Variants in TCF7L2 observed in about 807,000 individuals in gnomAD.
The protein encoded by TCF7L2 is transcription factor 7 like 2.
TCF7L2 carries 23 observed loss-of-function variants against 77.9 expected under a neutral mutation model. That is an observed-to-expected ratio of 0.30 (90% CI 0.21 to 0.42). The LOEUF is 0.42. Ranked by LOEUF, TCF7L2 falls within the 10% of genes least tolerant of loss-of-function variation. The probability of loss-of-function intolerance (pLI) is 1.00; values close to 1 mark genes in which losing one functional copy is unlikely to be tolerated. For missense variants in TCF7L2, 654 were observed against 793.1 expected (o/e 0.82, Z 2.11); for synonymous variants, 413 against 340.2 (o/e 1.21, Z -2.36).
chr10:113,021,769 C>G (rs2048301367), intron 4 of TCF7L2, among the ~76,000 whole-genome samples: 1 of 152,218 alleles, frequency 6.6e-6, no homozygotes, highest in African/African-American at 2.4e-5. Flanking sequence ...TTTCGCATCT[C>G]CCTTGGCTTG....
intron 4 of TCF7L2, among the ~76,000 whole-genome samples, chr10:112,983,145 TG>T: frequency 6.6e-6 from 1 of 151,908 alleles, no homozygotes; most frequent in African/African-American, 2.4e-5. Flanking sequence ...GTTTTTTTTT[TG>T]TCAGATTTCT....
rs146565513 is a variant in TCF7L2, at chr10:113,017,364, G to A, written c.451-22661G>A. Among the ~76,000 whole-genome samples, 662 of 126,272 alleles carry A rather than the reference G, an allele frequency of 5.2e-3. 4 individuals are homozygous for A. The highest frequency in any genetic ancestry group is 0.023 in the African/African-American group (622 of 26,760). 82.8% of individuals were successfully genotyped at this position (126,272 alleles called of 152,430 possible). ...GCTGGCGTTATCCCATTTTACCCAC[G>A]AGGAAACAAATGACCAGTGGTGGAG... On this transcript the variant is annotated intron_variant, in intron 4 of 13. Transcript: ENST00000627217.
intron 4 of TCF7L2, among the ~76,000 whole-genome samples, chr10:113,029,221 G>C (rs1243381221): frequency 2.6e-5 from 4 of 152,082 alleles, no homozygotes; most frequent in Admixed American, 6.5e-5. Context: ...TGACTCAACT[G>C]CTCTTCTGTT....
In TCF7L2 at chr10:113,073,150, G is replaced by GAGAGAGAGAGACAGAGAGAGAGAGAGAA. The variant is rs1564855702; in HGVS notation, c.552+33025_552+33026insGAGAGAGAGACAGAGAGAGAGAGAGAAA. Among the ~76,000 whole-genome samples the GAGAGAGAGAGACAGAGAGAGAGAGAGAA allele has an allele frequency of 6.5e-4, 97 of 149,100 alleles. 2 individuals carry two copies. The highest frequency in any genetic ancestry group is 2.4e-3 in the African/African-American group (95 of 40,196). ...TGTGTGAGAGAGAGAGAGAGAGAGA[G>GAGAGAGAGAGACAGAGAGAGAGAGAGAA]ACAGAGAGAGAGATAGAGAGAAACA... is the stretch of plus-strand genomic sequence containing the variant. On this transcript the variant is annotated intron_variant, in intron 5 of 13. Coordinates refer to ENST00000627217, the MANE Select transcript of TCF7L2 (RefSeq NM_001146274.2).
chr10:113,075,460 CA>C (rs2058586779), intron 5 of TCF7L2, among the ~76,000 whole-genome samples: 2 of 19,892 alleles, frequency 1.0e-4, no homozygotes. Flanking sequence ...ACTCTGTGTC[CA>C]AAAAAAAAAG....
chr10:112,951,743 C>G (rs557285830), intron 3 of TCF7L2, 136 bp downstream of exon 3: 1 of 325,870 alleles, frequency 3.1e-6, no homozygotes, highest in Non-Finnish European at 4.5e-6. Context: ...TCCCCTCCCC[C>G]GCTCGTGGCC....
intron 5 of TCF7L2, among the ~76,000 whole-genome samples, chr10:113,131,298 A>C (rs1240064098): frequency 2.0e-5 from 3 of 152,260 alleles, no homozygotes; most frequent in African/African-American, 7.2e-5. Flanking sequence ...TTAAAACACA[A>C]GATCATAGAT....
At chr10:113,017,138 CA>C (rs1315110256) in intron 4 of TCF7L2, among the ~76,000 whole-genome samples, 1 of 152,140 alleles carries the variant, frequency 6.6e-6, no homozygotes, top group Non-Finnish European at 1.5e-5. Flanking sequence ...GTCATGAAGC[CA>C]AAAATTGATA....
At chr10:113,020,451 A>G (rs2048100656) in intron 4 of TCF7L2, among the ~76,000 whole-genome samples, 1 of 151,916 alleles carries the variant, frequency 6.6e-6, no homozygotes, top group South Asian at 2.1e-4. Flanking sequence ...GCTCCTGTTC[A>G]CACCCTCCTC....
At chr10:113,158,618 A>G (rs772602074) in intron 12 of TCF7L2, 49 bp from the exon 13 acceptor site, 3 of 1,607,564 alleles carry the variant, frequency 1.9e-6, no homozygotes, top group Admixed American at 3.3e-5. Flanking sequence ...TTACAAACAA[A>G]CAAAACAAAA....
At chr10:113,160,444 AT>A (rs952210407) in intron 12 of TCF7L2, among the ~76,000 whole-genome samples, 2 of 149,680 alleles carry the variant, frequency 1.3e-5, no homozygotes, top group African/African-American at 4.9e-5. Context: ...TTATTTTATT[AT>A]TTTTTTTCTT....
At chr10:113,123,527 A>G (rs2065111798) in intron 5 of TCF7L2, among the ~76,000 whole-genome samples, 2 of 152,260 alleles carry the variant, frequency 1.3e-5, no homozygotes, top group African/African-American at 2.4e-5. Context: ...AAATAAAGGA[A>G]CATATCTGCA....
At chr10:112,982,257 CTT>C (rs1333865688) in intron 4 of TCF7L2, among the ~76,000 whole-genome samples, 1 of 151,658 alleles carries the variant, frequency 6.6e-6, no homozygotes, top group Non-Finnish European at 1.5e-5. Context: ...AAGGCTGAAA[CTT>C]TTTAATTGGG....
intron 5 of TCF7L2, among the ~76,000 whole-genome samples, chr10:113,043,398 G>A (rs190553977): frequency 6.6e-6 from 1 of 152,192 alleles, no homozygotes; most frequent in Non-Finnish European, 1.5e-5. Context: ...TTTACATTAA[G>A]AATAGACTCC....
chr10:113,156,115 C>CTT (rs35516476), intron 11 of TCF7L2, among the ~76,000 whole-genome samples: 77 of 120,724 alleles, frequency 6.4e-4, no homozygotes, highest in African/African-American at 1.3e-3. Flanking sequence ...TTCTTTCTTT[C>CTT]TTTTTTTTTT....
rs1402273236 is a variant in TCF7L2 at position 113,144,794 on chromosome 10, A to T, written c.788+769A>T. ...TGACTAACTTTTGCAACTTAAAAAA[A>T]CTGTGTTTTAAATTCAGAGTAGAAA... On this transcript the variant is annotated intron_variant, in intron 7 of 13. Transcript: ENST00000627217. 3.3e-5 allele frequency among the ~76,000 whole-genome samples: 5 copies of T among 152,330 alleles called. No homozygotes were observed. In the East Asian group the frequency reaches 9.6e-4, roughly 29 times the overall value.
intron 4 of TCF7L2, among the ~76,000 whole-genome samples, chr10:113,014,801 C>A (rs1472497202): frequency 2.6e-5 from 4 of 152,060 alleles, no homozygotes; most frequent in South Asian, 2.1e-4. Context: ...AACAAACAAA[C>A]AAACAAACAA....
At chr10:113,106,445 T>G (rs2062331339) in intron 5 of TCF7L2, among the ~76,000 whole-genome samples, 1 of 152,166 alleles carries the variant, frequency 6.6e-6, no homozygotes, top group South Asian at 2.1e-4. Flanking sequence ...TGTGAACCAT[T>G]CCTGTTAAGT....
At chr10:113,153,160 T>C (rs992617594) in intron 11 of TCF7L2, among the ~76,000 whole-genome samples, 1 of 152,232 alleles carries the variant, frequency 6.6e-6, no homozygotes. Context: ...GGGATGATTG[T>C]TTTTACTAAT....
Sources: allele counts gnomAD v4.1 joint callset (sites outside exome capture counted in the v4.1 genomes callset), GRCh38; gene constraint gnomAD v4.1.1; transcripts MANE v1.5; gene names NCBI Gene and HGNC (gene_info 2026-07-23, HGNC 2026-07-21).